MLLT1: variants seen among roughly 807,000 people sequenced by gnomAD.
MLLT1 encodes the protein MLLT1 super elongation complex subunit.
MLLT1 carries 11 observed loss-of-function variants against 55.1 expected under a neutral mutation model. The ratio of observed to expected loss-of-function variants is 0.20; its 90% CI spans 0.13 to 0.33. MLLT1 has a LOEUF of 0.33. MLLT1 is among the 10% of genes least tolerant of loss of function. The probability of loss-of-function intolerance (pLI) is 1.00; values close to 1 mark genes in which losing one functional copy is unlikely to be tolerated. For synonymous variants in MLLT1, 323 were observed against 320.1 expected (o/e 1.01, Z -0.10); for missense variants, 536 against 760.6 (o/e 0.70, Z 3.47).
chr19:6,265,751 C>T (rs769955277), intron 2 of MLLT1, among the ~76,000 whole-genome samples: 1 of 152,106 alleles, frequency 6.6e-6, no homozygotes, highest in Non-Finnish European at 1.5e-5. Context: ...GAGGCTGCAG[C>T]AGGCGGATCA....
Position 6,245,257 on chromosome 19 carries a change from C to CT in MLLT1, c.277-14545dup, listed in dbSNP as rs71172798. ...TCTTCCATCTTTCCTTTCTTTCTTT[C>CT]TTTTTTTTTTTTTTTAAAGAGATGG... On this transcript the variant is annotated intron_variant, in intron 3 of 11. Coordinates refer to ENST00000252674, the MANE Select transcript of MLLT1 (RefSeq NM_005934.4). Among the ~76,000 whole-genome samples, 326 of 133,720 alleles carry CT rather than the reference C, an allele frequency of 2.4e-3. 2 individuals are homozygous for CT. The highest frequency in any genetic ancestry group is 0.011 in the Middle Eastern group (3 of 278). 87.7% of individuals were successfully genotyped at this position (133,720 alleles called of 152,430 possible).
chr19:6,240,881 A>AT lies in MLLT1; in HGVS notation c.277-10169dup, dbSNP rs1490617040. Among the ~76,000 whole-genome samples the AT allele has an allele frequency of 6.6e-6, 1 of 152,196 alleles. No individual in the cohort carries two copies. On this transcript the variant is annotated intron_variant, in intron 3 of 11. Coordinates refer to ENST00000252674, the MANE Select transcript of MLLT1 (RefSeq NM_005934.4). This position sits in a 1 kb window ranked among gnomAD's most constrained non-coding sequence, Gnocchi z 4.7. ...GAGGAGGCAGAAATGCAGACACCAC[A>AT]TTTTAAAATGCTCTCCATGGAAACA...
At chr19:6,269,671 C>T (rs777026538) in intron 2 of MLLT1, among the ~76,000 whole-genome samples, 4 of 152,218 alleles carry the variant, frequency 2.6e-5, no homozygotes, top group Non-Finnish European at 5.9e-5. Context: ...AACCTAAGCA[C>T]ACCCACGCTT....
chr19:6,219,209 G>A lies in MLLT1; in HGVS notation c.1111-1168C>T, dbSNP rs932023551. ...ACTCACCCGTGCCTGAGAGGGAAGAGGGACTTCCCAAGGGTTTACTGCAGC... is the reference window on the plus strand; with the variant it reads ...ACTCACCCGTGCCTGAGAGGGAAGAAGGACTTCCCAAGGGTTTACTGCAGC... On this transcript the variant is annotated intron_variant, in intron 6 of 11. Coordinates refer to ENST00000252674, the MANE Select transcript of MLLT1 (RefSeq NM_005934.4). The surrounding 1 kb of genome is among the most constrained non-coding windows in gnomAD (Gnocchi z 4.5). 1.3e-5 allele frequency among the ~76,000 whole-genome samples: 2 copies of A among 152,146 alleles called. No homozygotes were observed. The highest frequency in any genetic ancestry group is 2.9e-5 in the Non-Finnish European group (2 of 68,006).
At position 6,212,873 on chromosome 19, in the gene MLLT1, GGA is replaced by G. The variant is rs2090794228; in HGVS notation, c.*167_*168del. ...CCCAGGGCTCCTGGCGATGGAGCGG[GGA>G]GAGTGGGCAGGGAGCCGCCGAGGAA... On this transcript the variant is annotated 3_prime_UTR_variant, in exon 12 of 12. Transcript: ENST00000252674. The G allele has an allele frequency of 9.8e-7, 1 of 1,017,434 alleles. No individual in the cohort carries two copies. The highest frequency in any genetic ancestry group is 1.7e-5 in the South Asian group (1 of 58,936). The allele number at this position is 1,017,434 out of a possible 1,614,324, so 63.0% of individuals were successfully genotyped here.
chr19:6,259,379 A>T (rs761301044), intron 3 of MLLT1: 1 of 152,238 alleles, frequency 6.6e-6, no homozygotes, highest in Non-Finnish European at 1.5e-5. Flanking sequence ...ACCAAAACTC[A>T]TCAAGCACTG....
intron 3 of MLLT1, chr19:6,259,376 C>T (rs985664092): frequency 1.3e-5 from 2 of 152,306 alleles, no homozygotes; most frequent in African/African-American, 4.8e-5. Context: ...GGCACCAAAA[C>T]TCATCAAGCA....
intron 3 of MLLT1, chr19:6,259,761 G>A (rs1197815293): frequency 7.8e-6 from 1 of 127,798 alleles, no homozygotes; most frequent in Non-Finnish European, 1.6e-5. Flanking sequence ...GGCTTCTGCA[G>A]GAATTATTCA....
rs2091007480 is a variant in MLLT1, at chr19:6,231,273, G to A, written c.277-560C>T. Reference sequence around the variant, plus strand: ...GCCGCCCCGCACCCTCGCCACCCCAGAAGACAGGGACGCTCGCCTGGCATG... The same window carrying A: ...GCCGCCCCGCACCCTCGCCACCCCAAAAGACAGGGACGCTCGCCTGGCATG... On this transcript the variant is annotated intron_variant, in intron 3 of 11. Coordinates refer to ENST00000252674, the MANE Select transcript of MLLT1 (RefSeq NM_005934.4). This position sits in a 1 kb window ranked among gnomAD's most constrained non-coding sequence, Gnocchi z 5.1. 6.6e-6 allele frequency among the ~76,000 whole-genome samples: 1 copy of A among 152,216 alleles called. No homozygotes were observed. Among genetic ancestry groups the A allele is most frequent in the Non-Finnish European group, 1.5e-5 (1 of 68,032 alleles).
intron 7 of MLLT1, 97 bp downstream of exon 7, chr19:6,217,857 C>A: frequency 1.3e-6 from 2 of 1,486,310 alleles, no homozygotes; most frequent in Non-Finnish European, 1.8e-6. Context: ...CAGGGCCCAG[C>A]CTGTGCAGGC....
intron 3 of MLLT1, among the ~76,000 whole-genome samples, chr19:6,233,824 C>T (rs1450489926): frequency 6.6e-6 from 1 of 152,242 alleles, no homozygotes; most frequent in South Asian, 2.1e-4. Context: ...CCACACTTCC[C>T]CTACGCAGCT....
At chr19:6,217,189 C>A (rs1033771832) in intron 7 of MLLT1, among the ~76,000 whole-genome samples, 3 of 152,172 alleles carry the variant, frequency 2.0e-5, no homozygotes, top group African/African-American at 7.2e-5. Context: ...GCCCCATCCC[C>A]CAGCCCCCTC....
At chr19:6,244,208 C>T (rs2144905394) in intron 3 of MLLT1, among the ~76,000 whole-genome samples, 1 of 152,090 alleles carries the variant, frequency 6.6e-6, no homozygotes, top group Non-Finnish European at 1.5e-5. Flanking sequence ...CCGTCTCTTG[C>T]CCTGTCAGTC....
chr19:6,223,087 C>T (rs1218768814), intron 5 of MLLT1, among the ~76,000 whole-genome samples: 2 of 152,152 alleles, frequency 1.3e-5, no homozygotes, highest in Non-Finnish European at 2.9e-5. Context: ...GGGCACTGGA[C>T]GCAGCCCTGC....
chr19:6,216,271 G>T lies in MLLT1; in HGVS notation c.1307+134C>A, dbSNP rs2090842263. The T allele has an allele frequency of 1.9e-5, 13 of 666,898 alleles. No homozygotes were observed. In the Admixed American group the frequency reaches 2.9e-4, roughly 15 times the overall value. 41.3% of individuals were successfully genotyped at this position (666,898 alleles called of 1,614,324 possible). On this transcript the variant is annotated intron_variant, in intron 8 of 11. Transcript: ENST00000252674. Reference sequence around the variant, plus strand: ...CCAGGCTGGACTGGGGCCACCTGGGGATGGATCCCTGCTTTGGCCCTCCCA... The same window carrying T: ...CCAGGCTGGACTGGGGCCACCTGGGTATGGATCCCTGCTTTGGCCCTCCCA...
rs570920732 is a variant in MLLT1, at chr19:6,279,884, GCGCCGCCGC to G, written c.-109_-101del. 25 of 164,220 alleles carry G rather than the reference GCGCCGCCGC, an allele frequency of 1.5e-4. No individual in the cohort carries two copies. The highest frequency in any genetic ancestry group is 3.5e-4 in the South Asian group (2 of 5,752). 10.2% of individuals were successfully genotyped at this position (164,220 alleles called of 1,614,324 possible). A position where few individuals can be genotyped will look rare whatever the true frequency, so the allele number is the denominator to read the frequency against. On this transcript the variant is annotated 5_prime_UTR_variant, in exon 1 of 12. Coordinates refer to ENST00000252674, the MANE Select transcript of MLLT1 (RefSeq NM_005934.4). ...CCCCGCCGCCCTCATTGTCTGTCAA[GCGCCGCCGC>G]CGCCGCCGCCGCCGCCGATCCCGGC...
Position 6,212,837 on chromosome 19 carries a change from C to T in MLLT1, c.*205G>A, listed in dbSNP as rs1772394243. 1.1e-6 allele frequency: 1 copy of T among 918,984 alleles called. No homozygotes were observed. The highest frequency in any genetic ancestry group is 1.9e-5 in the South Asian group (1 of 53,188). The allele number at this position is 918,984 out of a possible 1,614,324, so 56.9% of individuals were successfully genotyped here. A position where few individuals can be genotyped will look rare whatever the true frequency, so the allele number is the denominator to read the frequency against. On this transcript the variant is annotated 3_prime_UTR_variant, in exon 12 of 12. Transcript: ENST00000252674. ...AGCCCGGGGGGCGGCTCCCGTGTGG[C>T]CCAGCCCGGCCCCAGGGCTCCTGGC... is the stretch of plus-strand genomic sequence containing the variant.
intron 10 of MLLT1, 56 bp from the exon 11 acceptor site, chr19:6,213,464 C>T: frequency 1.4e-6 from 2 of 1,414,774 alleles, no homozygotes; most frequent in South Asian, 1.1e-5. Flanking sequence ...CCTTCCTGCT[C>T]CCATGCCCAG....
At chr19:6,242,868 A>G (rs1030975563) in intron 3 of MLLT1, among the ~76,000 whole-genome samples, 1 of 152,074 alleles carries the variant, frequency 6.6e-6, no homozygotes, top group African/African-American at 2.4e-5. Flanking sequence ...AAAGCAGGCC[A>G]CTGTCATCTC....
Sources: gnomAD v4.1 joint callset for allele counts (sites outside exome capture counted in the v4.1 genomes callset) on GRCh38, gnomAD v4.1.1 for gene constraint, Gnocchi (gnomAD v3.1) non-coding constraint, MANE v1.5 for transcripts, NCBI Gene and HGNC (gene_info 2026-07-23, HGNC 2026-07-21) for gene names.